The following CTNNA3 variants were observed in gnomAD, a reference collection of about 807,000 sequenced individuals.
The protein encoded by CTNNA3 is catenin alpha-3.
CTNNA3 carries 76 observed loss-of-function variants against 95.7 expected under a neutral mutation model. The observed-to-expected ratio is 0.79, with a 90% CI of 0.66 to 0.96. The LOEUF is 0.96. CTNNA3 is among the 40% of genes least tolerant of loss of function. The pLI, the probability that CTNNA3 is intolerant of heterozygous loss-of-function variation, is 0.00. For missense variants in CTNNA3, 1,191 were observed against 1,089.8 expected, an observed-to-expected ratio of 1.09 and a Z score of -1.31; for synonymous variants, 431 against 374.4, an observed-to-expected ratio of 1.15 and a Z score of -1.74.
rs542473310 is a variant in CTNNA3 at position 67,236,585 on chromosome 10, G to A, written c.580-16715C>T. Among the ~76,000 whole-genome samples the A allele has an allele frequency of 1.7e-3, 255 of 151,700 alleles. 1 individual carries two copies. The highest frequency in any genetic ancestry group is 3.4e-3 in the Middle Eastern group (1 of 292). On this transcript the variant is annotated intron_variant, in intron 5 of 17. Coordinates refer to ENST00000433211, the MANE Select transcript of CTNNA3 (RefSeq NM_013266.4). Reference sequence around the variant, plus strand: ...TAGATGACAAGTTAGTGGGTGTGGCGCGCCAACATGGCACATGTATACATA... The same window carrying A: ...TAGATGACAAGTTAGTGGGTGTGGCACGCCAACATGGCACATGTATACATA...
Position 66,507,680 on chromosome 10 carries a change from T to C in CTNNA3, c.1531+12937A>G, listed in dbSNP as rs1229812134. ...CATGTTACCAACGACAATATTTCATTTTTTAAATAGCTGAACAATATTCTG... is the reference window on the plus strand; with the variant it reads ...CATGTTACCAACGACAATATTTCATCTTTTAAATAGCTGAACAATATTCTG... On this transcript the variant is annotated intron_variant, in intron 11 of 17. Transcript: ENST00000433211. 2.6e-5 allele frequency among the ~76,000 whole-genome samples: 4 copies of C among 152,062 alleles called. No individual in the cohort carries two copies. The East Asian group carries it at 7.7e-4, about 29-fold the overall frequency.
intron 7 of CTNNA3, among the ~76,000 whole-genome samples, chr10:67,106,152 G>A (rs771891668): frequency 2.0e-5 from 3 of 152,172 alleles, no homozygotes; most frequent in African/African-American, 4.8e-5. Context: ...GATAAAATGT[G>A]TGAACTTGAC....
intron 5 of CTNNA3, among the ~76,000 whole-genome samples, chr10:67,229,506 T>C (rs1001332749): frequency 2.6e-5 from 4 of 152,182 alleles, no homozygotes; most frequent in Admixed American, 6.5e-5. Flanking sequence ...GGCATCCAAA[T>C]TGGTAAAGAG....
chr10:67,580,194 C>A (rs181712904), intron 3 of CTNNA3, among the ~76,000 whole-genome samples: 2 of 152,266 alleles, frequency 1.3e-5, no homozygotes, highest in African/African-American at 2.4e-5. Flanking sequence ...TTAGGTCTGA[C>A]ATTTAAATCT....
intron 7 of CTNNA3, among the ~76,000 whole-genome samples, chr10:67,065,127 G>A (rs1032325565): frequency 1.3e-5 from 2 of 152,112 alleles, no homozygotes; most frequent in East Asian, 3.9e-4. Flanking sequence ...GAAATTCAAG[G>A]CACCATGGTT....
At chr10:67,558,421 T>C (rs1192153279) in intron 3 of CTNNA3, among the ~76,000 whole-genome samples, 1 of 152,234 alleles carries the variant, frequency 6.6e-6, no homozygotes, top group African/African-American at 2.4e-5. Context: ...AATTCTATTC[T>C]TCACTGAGAT....
chr10:66,395,615 C>T, intron 11 of CTNNA3, among the ~76,000 whole-genome samples: 1 of 151,922 alleles, frequency 6.6e-6, no homozygotes, highest in South Asian at 2.1e-4. Flanking sequence ...AAAGTCTGTA[C>T]TTATTATTTA....
At chr10:66,746,263 G>C (rs1353049185) in intron 9 of CTNNA3, among the ~76,000 whole-genome samples, 2 of 151,876 alleles carry the variant, frequency 1.3e-5, no homozygotes, top group African/African-American at 2.4e-5. Context: ...TGAAGACAAA[G>C]ACAAATATTT....
At chr10:66,734,882 A>C (rs1390773510) in intron 9 of CTNNA3, among the ~76,000 whole-genome samples, 1 of 151,790 alleles carries the variant, frequency 6.6e-6, no homozygotes, top group Admixed American at 6.6e-5. Flanking sequence ...CAAAAAAAAA[A>C]AAAAAAGAAA....
At chr10:66,867,746 A>C (rs1158328625) in intron 7 of CTNNA3, among the ~76,000 whole-genome samples, 3 of 152,020 alleles carry the variant, frequency 2.0e-5, no homozygotes, top group Non-Finnish European at 4.4e-5. Context: ...CTGAACATGC[A>C]ATATGAGTCT....
At chr10:66,455,312 A>G (rs980383442) in intron 11 of CTNNA3, among the ~76,000 whole-genome samples, 4 of 152,208 alleles carry the variant, frequency 2.6e-5, no homozygotes, top group Non-Finnish European at 4.4e-5. Context: ...ATGAAGAAAT[A>G]TAACTGTCCC....
intron 2 of CTNNA3, among the ~76,000 whole-genome samples, chr10:67,646,255 G>A (rs557794759): frequency 3.3e-5 from 5 of 149,542 alleles, no homozygotes; most frequent in Admixed American, 1.3e-4. Flanking sequence ...GGACTTAAGC[G>A]ATCCTCCTGC....
intron 7 of CTNNA3, among the ~76,000 whole-genome samples, chr10:67,039,323 C>T (rs554876346): frequency 1.4e-4 from 21 of 152,110 alleles, no homozygotes; most frequent in African/African-American, 4.1e-4. Flanking sequence ...AACATAAATG[C>T]TAAAATAAGT....
At chr10:66,887,167 G>A (rs1845074012) in intron 7 of CTNNA3, among the ~76,000 whole-genome samples, 1 of 152,112 alleles carries the variant, frequency 6.6e-6, no homozygotes, top group Non-Finnish European at 1.5e-5. Context: ...CTAGTTAACA[G>A]TTATACAATA....
chr10:66,189,056 C>A (rs2086506914), intron 13 of CTNNA3, among the ~76,000 whole-genome samples: 1 of 152,000 alleles, frequency 6.6e-6, no homozygotes, highest in South Asian at 2.1e-4. Context: ...CCTTTGCTCA[C>A]TTTTTAAATT....
At position 66,157,654 on chromosome 10, in the gene CTNNA3, T is replaced by A. The variant is rs1490208419; in HGVS notation, c.1885-54405A>T. On this transcript the variant is annotated intron_variant, in intron 13 of 17. Coordinates refer to ENST00000433211, the MANE Select transcript of CTNNA3 (RefSeq NM_013266.4). The stretch of plus-strand genomic sequence containing the variant: ...TGCATGTGCAAGTATCTTTTTCGAA[T>A]AATGATTTCTTTTCCTCTGGGTAGA... 2.6e-5 allele frequency among the ~76,000 whole-genome samples: 4 copies of A among 152,026 alleles called. No individual in the cohort carries two copies. In the East Asian group the frequency reaches 7.7e-4, roughly 29 times the overall value.
chr10:67,664,552 T>C (rs1393719819), intron 1 of CTNNA3, among the ~76,000 whole-genome samples: 2 of 152,164 alleles, frequency 1.3e-5, no homozygotes, highest in Non-Finnish European at 2.9e-5. Context: ...GAGTTATCAT[T>C]GAGAATTGCT....
At chr10:67,671,552 T>G (rs1193290860) in intron 1 of CTNNA3, among the ~76,000 whole-genome samples, 1 of 149,304 alleles carries the variant, frequency 6.7e-6, no homozygotes, top group Non-Finnish European at 1.5e-5. Flanking sequence ...ATATTCCCCT[T>G]CCTGTGTCCA....
chr10:67,632,310 A>AT (rs200794515), intron 2 of CTNNA3, among the ~76,000 whole-genome samples: 86 of 127,300 alleles, frequency 6.8e-4, no homozygotes, highest in African/African-American at 3.5e-3. Context: ...CATTAAATAT[A>AT]TTAAAAAAAA....
Sources: gnomAD v4.1 joint callset for allele counts (sites outside exome capture counted in the v4.1 genomes callset) on GRCh38, gnomAD v4.1.1 for gene constraint, MANE v1.5 for transcripts, NCBI Gene and HGNC (gene_info 2026-07-23, HGNC 2026-07-21) for gene names.